NAA16: variants seen among roughly 807,000 people sequenced by gnomAD.
NAA16 encodes the protein NARG1-like protein.
Under a neutral mutation model 110.3 loss-of-function variants are expected in NAA16, and 97 were observed. The observed-to-expected ratio is 0.88, with a 90% CI of 0.75 to 1.04. The LOEUF is 1.04. Among genes scored for constraint, NAA16 ranks in the 50% least tolerant of loss-of-function variants. NAA16 has a pLI of 0.00. For missense variants in NAA16, 1,017 were observed against 1,005.1 expected, an observed-to-expected ratio of 1.01 and a Z score of -0.16; for synonymous variants, 372 against 330.6, an observed-to-expected ratio of 1.13 and a Z score of -1.36.
intron 2 of NAA16, among the ~76,000 whole-genome samples, chr13:41,317,458 C>A (rs1187383549): frequency 6.6e-6 from 1 of 151,764 alleles, no homozygotes; most frequent in Non-Finnish European, 1.5e-5. Context: ...TGGTTGTGTC[C>A]TTTTTCAGTA....
chr13:41,328,706 C>G lies in NAA16; in HGVS notation c.692-18C>G, dbSNP rs2042156737. On this transcript the variant is annotated intron_variant, in intron 6 of 19. Coordinates refer to ENST00000379406, the MANE Select transcript of NAA16 (RefSeq NM_024561.5). ...TATTTAATGTTTAAAATGAATATGT[C>G]TTTAAACTTAATTTCAGGGGAAATA... 3 of 1,589,848 alleles carry G rather than the reference C, an allele frequency of 1.9e-6. No individual in the cohort carries two copies. In the East Asian group the frequency reaches 6.7e-5, roughly 36 times the overall value.
intron 5 of NAA16, among the ~76,000 whole-genome samples, chr13:41,325,418 GT>G (rs890611746): frequency 1.2e-4 from 18 of 148,358 alleles, no homozygotes; most frequent in East Asian, 3.9e-4. Flanking sequence ...AACTCTAGTA[GT>G]TTTTTTTTTG....
intron 2 of NAA16, among the ~76,000 whole-genome samples, chr13:41,317,339 G>GTT (rs961069534): frequency 1.4e-5 from 2 of 143,042 alleles, no homozygotes; most frequent in South Asian, 2.1e-4. Flanking sequence ...GTTTTGTTTT[G>GTT]TTTTTTTTTA....
chr13:41,326,029 A>G (rs759297417), intron 6 of NAA16, among the ~76,000 whole-genome samples, 178 bp downstream of exon 6: 1 of 152,144 alleles, frequency 6.6e-6, no homozygotes, highest in Non-Finnish European at 1.5e-5. Context: ...TAGTTATTAT[A>G]TCTATTTTGG....
intron 18 of NAA16, 124 bp from the exon 19 acceptor site, chr13:41,374,618 G>T: frequency 1.6e-6 from 1 of 613,544 alleles, no homozygotes; most frequent in Non-Finnish European, 2.8e-6. Context: ...GAGCTGGTAG[G>T]AGCCAGCTCC....
At chr13:41,317,296 A>T (rs888169525) in intron 2 of NAA16, among the ~76,000 whole-genome samples, 1 of 151,996 alleles carries the variant, frequency 6.6e-6, no homozygotes, top group Non-Finnish European at 1.5e-5. Flanking sequence ...GTATGAAGAT[A>T]TGGTCACCTG....
Position 41,358,837 on chromosome 13 carries a change from A to G in NAA16, c.1285A>G (p.Lys429Glu), listed in dbSNP as rs764843097. 1.2e-5 allele frequency: 20 copies of G among 1,606,600 alleles called. No homozygotes were observed. Among genetic ancestry groups the G allele is most frequent in the Non-Finnish European group, 1.7e-5 (20 of 1,175,154 alleles). ...TATAGGTAATCTCAAAGAAGCTGCA[A>G]AGTGGATGGATGAAGCACAGTCTTT... ...KHIGNLKEAA[K>E]WMDEAQSLDT... The change falls in exon 12 of 20, where the codon AAG (lysine) becomes GAG (glutamate). Residue 429 changes from lysine (K) to glutamate (E), a missense_variant. Lys to Glu is a moderately conservative substitution (Grantham distance 56). Coordinates refer to ENST00000379406, the MANE Select transcript of NAA16 (RefSeq NM_024561.5).
intron 1 of NAA16, among the ~76,000 whole-genome samples, chr13:41,315,003 TAAGA>T (rs1566237116): frequency 6.6e-6 from 1 of 151,764 alleles, no homozygotes. Flanking sequence ...AAAAAATAAA[TAAGA>T]AAGATAGGTG....
intron 2 of NAA16, among the ~76,000 whole-genome samples, chr13:41,318,004 G>A (rs770168465): frequency 7.9e-5 from 12 of 152,100 alleles, no homozygotes; most frequent in Non-Finnish European, 1.5e-4. Context: ...GAATAAACTT[G>A]CTATCAAAAA....
At chr13:41,320,492 C>T (rs1210154854) in intron 3 of NAA16, among the ~76,000 whole-genome samples, 175 bp from the exon 4 acceptor site, 2 of 152,192 alleles carry the variant, frequency 1.3e-5, no homozygotes, top group African/African-American at 4.8e-5. Context: ...ATTATCAACC[C>T]AGCCTGCTCT....
chr13:41,320,774 A>G lies in NAA16; in HGVS notation c.352A>G (p.Arg118Gly). 2 of 1,613,270 alleles carry G rather than the reference A, an allele frequency of 1.2e-6. No homozygotes were observed. Among genetic ancestry groups the G allele is most frequent in the Non-Finnish European group, 1.7e-6 (2 of 1,179,844 alleles). The change falls in exon 4 of 20, where the codon AGG becomes GGG. Residue 118 changes from arginine to glycine, a missense_variant. Transcript: ENST00000379406. The part of the protein sequence containing the change: ...KLDKDNLQIL[R>G]DLSLLQIQMR... ...AGATAAAGATAACCTGCAAATTTTG[A>G]GGGATCTCTCACTGTTGCAGATCCA...
chr13:41,332,163 T>C (rs934591712), intron 8 of NAA16, among the ~76,000 whole-genome samples: 2 of 151,436 alleles, frequency 1.3e-5, no homozygotes, highest in Non-Finnish European at 2.9e-5. Flanking sequence ...GCTCAAGCTA[T>C]AGTTTTGAAG....
intron 14 of NAA16, 128 bp downstream of exon 14, chr13:41,367,780 A>G: frequency 4.9e-6 from 3 of 611,146 alleles, no homozygotes; most frequent in Non-Finnish European, 7.8e-6. Context: ...TAGATAACTC[A>G]TATGCCAAAA....
At chr13:41,372,622 GT>G in intron 16 of NAA16, 109 bp from the exon 17 acceptor site, 1 of 1,336,922 alleles carries the variant, frequency 7.5e-7, no homozygotes, top group East Asian at 2.8e-5. Context: ...GCTTACGAGT[GT>G]TATAAAAAAG....
intron 7 of NAA16, 82 bp downstream of exon 7, chr13:41,328,925 C>A: frequency 8.0e-7 from 1 of 1,246,682 alleles, no homozygotes; most frequent in Non-Finnish European, 1.1e-6. Context: ...TACTTGGGAA[C>A]AAATAATTTT....
At position 41,372,734 on chromosome 13, in the gene NAA16, A is replaced by G; in HGVS notation, c.2059A>G (p.Lys687Glu). ...CTTTTGTATTTTTTCTGACACAGGA[A>G]AGTTTCTGTTAATGCTGCAGTCTGT... ...LAFEIYFRKG[K>E]FLLMLQSVKR... The change falls in exon 17 of 20, where the codon AAG becomes GAG. Residue 687 changes from lysine to glutamate, a missense_variant and splice_region_variant. Lys to Glu is a moderately conservative substitution (Grantham distance 56, BLOSUM62 1). Coordinates refer to ENST00000379406, the MANE Select transcript of NAA16 (RefSeq NM_024561.5). 6.3e-7 allele frequency: 1 copy of G among 1,589,798 alleles called. No homozygotes were observed. The highest frequency in any genetic ancestry group is 1.1e-5 in the South Asian group (1 of 87,118).
At chr13:41,368,938 G>C (rs1250525456) in intron 14 of NAA16, 152 bp from the exon 15 acceptor site, 10 of 536,626 alleles carry the variant, frequency 1.9e-5, no homozygotes, top group Non-Finnish European at 3.3e-5. Context: ...TATATCACAG[G>C]CTTGAGTATC....
At chr13:41,362,006 A>G (rs774699760) in intron 12 of NAA16, 25 bp from the exon 13 acceptor site, 35 of 1,608,934 alleles carry the variant, frequency 2.2e-5, no homozygotes, top group East Asian at 1.3e-4. Flanking sequence ...TTTGCTCTCT[A>G]TAGTTTTGAA....
chr13:41,314,157 TTAAA>T (rs1344676732), intron 1 of NAA16, among the ~76,000 whole-genome samples: 2 of 152,028 alleles, frequency 1.3e-5, no homozygotes, highest in Non-Finnish European at 1.5e-5. Context: ...TTCCTGGGAT[TTAAA>T]TAAAGAGTAA....
Sources: gnomAD v4.1 joint callset for allele counts (sites outside exome capture counted in the v4.1 genomes callset) on GRCh38, gnomAD v4.1.1 for gene constraint, MANE v1.5 for transcripts, NCBI Gene and HGNC (gene_info 2026-07-23, HGNC 2026-07-21) for gene names.